The following CELF2 variants were observed in gnomAD, a reference collection of about 807,000 sequenced individuals.
CELF2 encodes the protein CUG triplet repeat RNA-binding protein 2.
A neutral mutation model predicts 62.6 loss-of-function variants in CELF2; 8 were observed. The observed-to-expected ratio is 0.13, with a 90% confidence interval of 0.07 to 0.23. CELF2 has a LOEUF of 0.23. Ranked by LOEUF, CELF2 falls within the 10% of genes least tolerant of loss-of-function variation. The pLI, the probability that CELF2 is intolerant of heterozygous loss-of-function variation, is 1.00. For missense variants in CELF2, 333 were observed against 671.0 expected, an observed-to-expected ratio of 0.50 and a Z score of 5.56; for synonymous variants, 258 against 250.0, an observed-to-expected ratio of 1.03 and a Z score of -0.30.
chr10:10,688,716 GT>G, the CELF2 span, among the ~76,000 whole-genome samples: 3 of 151,426 alleles, frequency 2.0e-5, no homozygotes, highest in East Asian at 1.9e-4. Flanking sequence ...GTACTAGCCA[GT>G]TTTTTTTTGG....
chr10:11,289,714 A>G lies in CELF2; in HGVS notation c.976+1162A>G, dbSNP rs541024007. ...TTACTGTATGAGGGCCTTATCTAAT[A>G]TAATAAACACTATTCCTGAAAAATC... On this transcript the variant is annotated intron_variant, in intron 9 of 12. Transcript: ENST00000633077. Among the ~76,000 whole-genome samples, 8 of 152,334 alleles carry G rather than the reference A, an allele frequency of 5.3e-5. No homozygotes were observed. In the South Asian group the frequency reaches 1.7e-3, roughly 32 times the overall value.
At chr10:11,291,032 A>G (rs901615893) in intron 9 of CELF2, among the ~76,000 whole-genome samples, 2 of 152,222 alleles carry the variant, frequency 1.3e-5, no homozygotes, top group African/African-American at 4.8e-5. Flanking sequence ...TTCCTAGAAG[A>G]TAAAAGGGGT....
rs60499548 is a variant in CELF2, at chr10:11,252,290, G to C, written c.403+3089G>C. ...GCACAAAGATTTCTTTGGCTCAGTT[G>C]CTCTAAATAGCTCCTGTAGTTTTGA... On this transcript the variant is annotated intron_variant, in intron 4 of 12. Transcript: ENST00000633077. 8.5e-5 allele frequency among the ~76,000 whole-genome samples: 13 copies of C among 152,352 alleles called. No homozygotes were observed. The East Asian group carries it at 2.3e-3, about 27-fold the overall frequency.
intron 1 of CELF2, among the ~76,000 whole-genome samples, chr10:11,025,070 A>G (rs1593363346): frequency 6.6e-6 from 1 of 152,170 alleles, no homozygotes; most frequent in African/African-American, 2.4e-5. Context: ...CCTTTCTCCT[A>G]GTAGCAGGAA....
At chr10:10,527,531 C>T in the CELF2 span, among the ~76,000 whole-genome samples, 3 of 151,652 alleles carry the variant, frequency 2.0e-5, no homozygotes, top group Middle Eastern at 3.4e-3. Flanking sequence ...AGATAACATA[C>T]ACCATGGAAT....
chr10:10,618,150 C>T, the CELF2 span, among the ~76,000 whole-genome samples: 4 of 152,066 alleles, frequency 2.6e-5, no homozygotes, highest in African/African-American at 9.7e-5. Context: ...CTGCCTCTTT[C>T]CAATCCAGTA....
At chr10:11,275,182 C>T (rs2085555846) in intron 8 of CELF2, 62 bp downstream of exon 8, 24 of 1,514,302 alleles carry the variant, frequency 1.6e-5, no homozygotes, top group Middle Eastern at 1.7e-4. Flanking sequence ...GGGTTGGTTC[C>T]GAGGGCAAAG....
the CELF2 span, among the ~76,000 whole-genome samples, chr10:10,648,136 A>T: frequency 2.6e-5 from 4 of 152,204 alleles, no homozygotes; most frequent in Non-Finnish European, 5.9e-5. Flanking sequence ...GCAGCAATGT[A>T]AAGCAAAAAC....
chr10:10,851,890 A>C (rs1011128429), intron 1 of CELF2, among the ~76,000 whole-genome samples: 1 of 152,224 alleles, frequency 6.6e-6, no homozygotes, highest in African/African-American at 2.4e-5. Flanking sequence ...GAAAATGGAA[A>C]CTAGTGACCT....
chr10:10,475,831 C>T, the CELF2 span, among the ~76,000 whole-genome samples: 3 of 152,170 alleles, frequency 2.0e-5, no homozygotes, highest in South Asian at 6.2e-4. Context: ...TCATGGAGTG[C>T]ATTTTTCTTT....
chr10:10,966,816 G>A (rs2050169786), intron 2 of CELF2: 1 of 152,198 alleles, frequency 6.6e-6, no homozygotes, highest in South Asian at 2.1e-4. Flanking sequence ...CACCAGTAAG[G>A]TCTCTATCAT....
chr10:10,808,030 T>G (rs981634979), intron 1 of CELF2, among the ~76,000 whole-genome samples: 3 of 152,118 alleles, frequency 2.0e-5, no homozygotes, highest in Non-Finnish European at 4.4e-5. Context: ...ATGAGCAGAG[T>G]AAAACAGTCA....
At position 10,902,340 on chromosome 10, in the gene CELF2, C is replaced by T. The variant is rs575340822; in HGVS notation, c.54-17624C>T. 2.0e-5 allele frequency among the ~76,000 whole-genome samples: 3 copies of T among 152,320 alleles called. No individual in the cohort carries two copies. The South Asian group carries it at 6.2e-4, about 32-fold the overall frequency. On this transcript the variant is annotated intron_variant, in intron 1 of 13. Coordinates refer to the CELF2 transcript ENST00000636488. ...AAGAGCCAAAAAAATGGAAACAACC[C>T]ACATGTTCCTCAAGAAAAATATCGA...
chr10:10,737,090 T>C, the CELF2 span, among the ~76,000 whole-genome samples: 2 of 152,226 alleles, frequency 1.3e-5, no homozygotes, highest in African/African-American at 2.4e-5. Context: ...TTGGTACTTA[T>C]ATGTCCTAAT....
the CELF2 span, among the ~76,000 whole-genome samples, chr10:10,707,382 T>G: frequency 6.6e-6 from 1 of 152,202 alleles, no homozygotes; most frequent in East Asian, 1.9e-4. Context: ...ATTTGTATTT[T>G]TAATTTGGGG....
At chr10:10,644,460 G>A in the CELF2 span, among the ~76,000 whole-genome samples, 1 of 152,008 alleles carries the variant, frequency 6.6e-6, no homozygotes, top group African/African-American at 2.4e-5. Flanking sequence ...TGGAGACAGA[G>A]TAGTGTCAGC....
chr10:11,017,634 T>C (rs573832048), upstream of CELF2, among the ~76,000 whole-genome samples: 58 of 152,146 alleles, frequency 3.8e-4, no homozygotes, highest in Middle Eastern at 3.4e-3. The surrounding 1 kb of genome is among the most constrained non-coding windows in gnomAD (Gnocchi z 5.5). Flanking sequence ...GCCCTAAACC[T>C]ACTCCGAGCG....
intron 1 of CELF2, among the ~76,000 whole-genome samples, chr10:10,888,628 C>G (rs1281575571): frequency 6.6e-6 from 1 of 152,148 alleles, no homozygotes; most frequent in Admixed American, 6.5e-5. Flanking sequence ...AGGGCTGAAG[C>G]CTTCTTGGAA....
chr10:10,934,712 C>T lies in CELF2; in HGVS notation c.89+14713C>T, dbSNP rs1054347474. On this transcript the variant is annotated intron_variant, in intron 2 of 13. Transcript: ENST00000636488. The surrounding 1 kb of genome is among the most constrained non-coding windows in gnomAD (Gnocchi z 4.4). ...AAAGAGGGTTGTTTTTTACTGAGTT[C>T]GAGAGGGTGAGGGTTGAGGGGCAGT... 3.3e-5 allele frequency: 5 copies of T among 151,940 alleles called. No homozygotes were observed. The highest frequency in any genetic ancestry group is 4.8e-5 in the African/African-American group (2 of 41,324). The allele number at this position is 151,940 out of a possible 1,614,324, so 9.4% of individuals were successfully genotyped here.
Sources: gnomAD v4.1 joint callset for allele counts (sites outside exome capture counted in the v4.1 genomes callset) on GRCh38, gnomAD v4.1.1 for gene constraint, Gnocchi (gnomAD v3.1) non-coding constraint, MANE v1.5 for transcripts, NCBI Gene and HGNC (gene_info 2026-07-23, HGNC 2026-07-21) for gene names.